Variants in PTPRN2 observed in about 807,000 individuals in gnomAD.
PTPRN2 encodes the protein receptor-type tyrosine-protein phosphatase N2.
PTPRN2 carries 74 observed loss-of-function variants against 118.8 expected under a neutral mutation model. The ratio of observed to expected loss-of-function variants is 0.62; its 90% CI spans 0.52 to 0.76. The LOEUF (loss-of-function observed/expected upper bound fraction) is 0.76. Among genes scored for constraint, PTPRN2 ranks in the 30% least tolerant of loss-of-function variants. PTPRN2 has a pLI of 0.00. For missense variants in PTPRN2, 1,481 were observed against 1,394.4 expected (o/e 1.06, Z -0.99); for synonymous variants, 641 against 608.0 (o/e 1.05, Z -0.80).
chr7:158,536,134 A>G (rs1255165688), intron 1 of PTPRN2, among the ~76,000 whole-genome samples: 1 of 151,908 alleles, frequency 6.6e-6, no homozygotes, highest in Non-Finnish European at 1.5e-5. Flanking sequence ...TAAGCCCATC[A>G]ATTAAAATTC....
At chr7:157,725,310 T>C (rs1402749677) in intron 12 of PTPRN2, among the ~76,000 whole-genome samples, 1 of 91,670 alleles carries the variant, frequency 1.1e-5, no homozygotes, top group Non-Finnish European at 2.0e-5. Flanking sequence ...CCCAGAGGAG[T>C]GTGGCCAGAC....
Position 158,531,003 on chromosome 7 carries a change from T to C in PTPRN2, c.113-41218A>G, listed in dbSNP as rs371659654. Reference sequence around the variant, plus strand: ...GCGGATGTGTGTGGCCACATGTATGTATATGAGCATGTGCATGGGGGTGTG... The same window carrying C: ...GCGGATGTGTGTGGCCACATGTATGCATATGAGCATGTGCATGGGGGTGTG... On this transcript the variant is annotated intron_variant, in intron 1 of 22. Coordinates refer to ENST00000389418, the MANE Select transcript of PTPRN2 (RefSeq NM_002847.5). Among the ~76,000 whole-genome samples the C allele has an allele frequency of 4.6e-5, 7 of 152,100 alleles. No homozygotes were observed. The East Asian group carries it at 9.6e-4, about 21-fold the overall frequency.
Position 157,615,865 on chromosome 7 carries a change from A to G in PTPRN2, c.2344+5497T>C. 1 of 345,676 alleles carries G rather than the reference A, an allele frequency of 2.9e-6. No individual in the cohort carries two copies. 21.4% of individuals were successfully genotyped at this position (345,676 alleles called of 1,614,324 possible). A position where few individuals can be genotyped will look rare whatever the true frequency, so the allele number is the denominator to read the frequency against. ...GCCCTGGGCTCCACCGAAGACCTTA[A>G]GGAAAAGACTCTGGATGTTAGTGGG... is the stretch of plus-strand genomic sequence containing the variant. On this transcript the variant is annotated intron_variant, in intron 15 of 22. Coordinates refer to ENST00000389418, the MANE Select transcript of PTPRN2 (RefSeq NM_002847.5). This position sits in a 1 kb window ranked among gnomAD's most constrained non-coding sequence, Gnocchi z 4.3.
At chr7:158,000,032 G>C (rs181818901) in intron 11 of PTPRN2, among the ~76,000 whole-genome samples, 27 of 152,174 alleles carry the variant, frequency 1.8e-4, no homozygotes, top group South Asian at 2.1e-4. Flanking sequence ...GATTACAGGT[G>C]AGTGCCACCA....
At chr7:158,428,570 TTTC>T (rs200682659) in intron 2 of PTPRN2, among the ~76,000 whole-genome samples, 13 of 152,332 alleles carry the variant, frequency 8.5e-5, no homozygotes, top group Middle Eastern at 3.4e-3. Context: ...CCACCGGAAT[TTTC>T]TTATGTTCTT....
At chr7:157,904,473 C>G (rs574029806) in intron 11 of PTPRN2, among the ~76,000 whole-genome samples, 3 of 152,240 alleles carry the variant, frequency 2.0e-5, no homozygotes, top group Admixed American at 6.5e-5. Flanking sequence ...TCAAGAAACT[C>G]CACCATCCTC....
chr7:158,136,079 C>T lies in PTPRN2; in HGVS notation c.1173+576G>A, dbSNP rs978373989. The stretch of plus-strand genomic sequence containing the variant: ...ACTGCCTCCGGAGCAGCAGTGCCCA[C>T]GGGGGCTCTGGGATGGTGGACCGTC... On this transcript the variant is annotated intron_variant, in intron 8 of 22. Transcript: ENST00000389418. Among the ~76,000 whole-genome samples the T allele has an allele frequency of 2.0e-4, 30 of 152,360 alleles. No homozygotes were observed. The East Asian group carries it at 2.3e-3, about 12-fold the overall frequency.
chr7:158,266,471 A>G (rs1192003685), intron 3 of PTPRN2, among the ~76,000 whole-genome samples: 1,729 of 57,606 alleles, frequency 0.03, 1 homozygote, highest in Middle Eastern at 0.085. Flanking sequence ...CTGGCAGTGA[A>G]GCTGGGGACG....
chr7:158,059,070 C>T (rs1810069599), intron 11 of PTPRN2, among the ~76,000 whole-genome samples: 2 of 133,470 alleles, frequency 1.5e-5, no homozygotes, highest in Non-Finnish European at 3.1e-5. Flanking sequence ...CACGGTGACA[C>T]ATCACTGCAG....
Position 157,690,729 on chromosome 7 carries a change from G to C in PTPRN2, c.1789-7792C>G, listed in dbSNP as rs1299324382. ...ATCCGCTTCTGACCACAAACTTCTA[G>C]GGCGGCCGGAGGAGACAAAGGTGCC... On this transcript the variant is annotated intron_variant, in intron 12 of 22. Coordinates refer to ENST00000389418, the MANE Select transcript of PTPRN2 (RefSeq NM_002847.5). This position sits in a 1 kb window ranked among gnomAD's most constrained non-coding sequence, Gnocchi z 7.1. Among the ~76,000 whole-genome samples, 2 of 151,430 alleles carry C rather than the reference G, an allele frequency of 1.3e-5. No homozygotes were observed. Among genetic ancestry groups the C allele is most frequent in the Non-Finnish European group, 2.9e-5 (2 of 67,806 alleles).
At chr7:158,519,426 C>T (rs568241971) in intron 1 of PTPRN2, among the ~76,000 whole-genome samples, 1 of 152,232 alleles carries the variant, frequency 6.6e-6, no homozygotes, top group Non-Finnish European at 1.5e-5. Context: ...TCAGAAGTGC[C>T]GATTCCACCT....
intron 11 of PTPRN2, among the ~76,000 whole-genome samples, chr7:157,909,760 T>C (rs914954800): frequency 3.3e-5 from 5 of 152,236 alleles, no homozygotes; most frequent in Non-Finnish European, 7.3e-5. Flanking sequence ...TATCACCCTC[T>C]GACATGATGC....
intron 11 of PTPRN2, among the ~76,000 whole-genome samples, chr7:157,917,888 A>G (rs986439904): frequency 4.6e-5 from 7 of 152,128 alleles, no homozygotes; most frequent in African/African-American, 1.7e-4. Flanking sequence ...CTGGGATAAT[A>G]AGATTTTCCA....
At chr7:158,201,811 C>T (rs1035097558) in intron 4 of PTPRN2, among the ~76,000 whole-genome samples, 3 of 152,202 alleles carry the variant, frequency 2.0e-5, no homozygotes, top group Non-Finnish European at 4.4e-5. Flanking sequence ...GAAGCCCCTG[C>T]TTTGAGTTGT....
At chr7:158,044,381 C>G (rs1237844712) in intron 11 of PTPRN2, among the ~76,000 whole-genome samples, 4 of 152,182 alleles carry the variant, frequency 2.6e-5, no homozygotes, top group Admixed American at 1.3e-4. Flanking sequence ...GGGGCCCCTT[C>G]TCCCCGCACA....
intron 11 of PTPRN2, among the ~76,000 whole-genome samples, chr7:158,052,433 G>A (rs1809398699): frequency 6.6e-6 from 1 of 152,202 alleles, no homozygotes; most frequent in South Asian, 2.1e-4. Context: ...TTAAAATAAT[G>A]AAATAAAATT....
intron 21 of PTPRN2, among the ~76,000 whole-genome samples, chr7:157,568,397 G>A (rs938713019): frequency 1.3e-5 from 2 of 152,224 alleles, no homozygotes; most frequent in African/African-American, 4.8e-5. Context: ...AGGGCTGAAA[G>A]GCTCATTTGA....
At chr7:158,566,762 C>G (rs1257559370) in intron 1 of PTPRN2, among the ~76,000 whole-genome samples, 2 of 152,184 alleles carry the variant, frequency 1.3e-5, no homozygotes, top group Non-Finnish European at 2.9e-5. Flanking sequence ...GTCACCCAGG[C>G]TGGAGTGCAG....
At chr7:157,714,177 C>T (rs1798789340) in intron 12 of PTPRN2, among the ~76,000 whole-genome samples, 1 of 152,182 alleles carries the variant, frequency 6.6e-6, no homozygotes, top group Admixed American at 6.5e-5. Flanking sequence ...CGTTAGAAGG[C>T]TATGAAAAAT....
Sources: gnomAD v4.1 joint callset for allele counts (sites outside exome capture counted in the v4.1 genomes callset) on GRCh38, gnomAD v4.1.1 for gene constraint, Gnocchi (gnomAD v3.1) non-coding constraint, MANE v1.5 for transcripts, NCBI Gene and HGNC (gene_info 2026-07-23, HGNC 2026-07-21) for gene names.